Variants in SLCO1B3 observed in about 807,000 individuals in gnomAD.
SLCO1B3 encodes the protein liver-specific organic anion transporter 2.
SLCO1B3 carries 72 observed loss-of-function variants against 71.8 expected under a neutral mutation model. The ratio of observed to expected loss-of-function variants is 1.00; its 90% confidence interval spans 0.83 to 1.22. The LOEUF is 1.22. Among genes scored for constraint, SLCO1B3 ranks in the 50% most tolerant of loss-of-function variants. The pLI, the probability that SLCO1B3 is intolerant of heterozygous loss-of-function variation, is 0.00. For synonymous variants in SLCO1B3, 298 were observed against 278.4 expected, an observed-to-expected ratio of 1.07 and a Z score of -0.70; for missense variants, 911 against 819.7, an observed-to-expected ratio of 1.11 and a Z score of -1.36.
intron 3 of SLCO1B3, among the ~76,000 whole-genome samples, chr12:20,816,236 T>C (rs981608576): frequency 6.6e-6 from 1 of 152,160 alleles, no homozygotes. Context: ...TTTTAAAAGG[T>C]ACAGTTAAGT....
intron 15 of SLCO1B3, among the ~76,000 whole-genome samples, chr12:20,911,998 C>T (rs1866387630): frequency 6.6e-6 from 1 of 152,018 alleles, no homozygotes; most frequent in Non-Finnish European, 1.5e-5. Context: ...TTCTAGTTTG[C>T]TAAGGTAAAA....
Position 20,875,304 on chromosome 12 carries a change from G to C in SLCO1B3, c.797G>C (p.Gly266Ala), listed in dbSNP as rs1591774656. The change falls in exon 9 of 16, where the codon GGA (glycine) becomes GCA (alanine). Residue 266 changes from glycine to alanine, a missense_variant. Coordinates refer to ENST00000381545, the MANE Select transcript of SLCO1B3 (RefSeq NM_019844.4). ...GAWWLGFLVS[G>A]LFSIISSIPF... is the part of the protein sequence containing the mutation. Reference sequence around the variant, plus strand: ...TGGTGGCTTGGTTTCCTTGTGTCTGGACTATTTTCCATTATTTCTTCCATA... The same window carrying C: ...TGGTGGCTTGGTTTCCTTGTGTCTGCACTATTTTCCATTATTTCTTCCATA... 1 of 1,613,306 alleles carries C rather than the reference G, an allele frequency of 6.2e-7. No individual in the cohort carries two copies. Among genetic ancestry groups the C allele is most frequent in the Non-Finnish European group, 8.5e-7 (1 of 1,179,536 alleles).
intron 13 of SLCO1B3, among the ~76,000 whole-genome samples, chr12:20,891,216 G>C (rs1865896012): frequency 6.6e-6 from 1 of 151,988 alleles, no homozygotes; most frequent in Non-Finnish European, 1.5e-5. Flanking sequence ...CAGTCTGTTT[G>C]CGACAAATTC....
chr12:20,913,163 C>T (rs568927130), intron 15 of SLCO1B3, among the ~76,000 whole-genome samples: 26 of 152,212 alleles, frequency 1.7e-4, no homozygotes, highest in Admixed American at 1.7e-3. Flanking sequence ...TGAATCCGTG[C>T]ATTTCTGATA....
chr12:20,824,691 A>G (rs564822190), intron 3 of SLCO1B3, among the ~76,000 whole-genome samples: 1 of 152,296 alleles, frequency 6.6e-6, no homozygotes, highest in East Asian at 1.9e-4. Flanking sequence ...CATAAATATA[A>G]TATAATCCAA....
chr12:20,901,616 C>G, intron 15 of SLCO1B3, 149 bp downstream of exon 15: 1 of 529,756 alleles, frequency 1.9e-6, no homozygotes. Flanking sequence ...ATCAAGCATT[C>G]TGGTATCTCA....
chr12:20,858,559 T>A lies in SLCO1B3; in HGVS notation c.347T>A (p.Phe116Tyr). The A allele has an allele frequency of 6.2e-7, 1 of 1,606,592 alleles. No homozygotes were observed. The highest frequency in any genetic ancestry group is 8.5e-7 in the Non-Finnish European group (1 of 1,173,542). The change falls in exon 5 of 16, where the codon TTC becomes TAC. Residue 116 changes from phenylalanine (F) to tyrosine (Y), a missense_variant. Coordinates refer to ENST00000381545, the MANE Select transcript of SLCO1B3 (RefSeq NM_019844.4). ...TGSILTSLPH[F>Y]FMGYYRYSKE... Reference sequence around the variant, plus strand: ...AGTATTTTGACATCTTTACCACATTTCTTCATGGGATAGTAAGTGTTAAAC... The same window carrying A: ...AGTATTTTGACATCTTTACCACATTACTTCATGGGATAGTAAGTGTTAAAC...
intron 3 of SLCO1B3, among the ~76,000 whole-genome samples, chr12:20,852,059 C>G (rs1307973617): frequency 1.3e-5 from 2 of 152,126 alleles, no homozygotes; most frequent in African/African-American, 4.8e-5. Flanking sequence ...TACAGTTGCT[C>G]TGCAGTATAT....
chr12:20,875,100 G>A, intron 8 of SLCO1B3, 135 bp from the exon 9 acceptor site: 8 of 1,120,944 alleles, frequency 7.1e-6, no homozygotes, highest in Non-Finnish European at 1.0e-5. Context: ...GAAGAAAATA[G>A]TGTTTTAGAA....
chr12:20,904,660 G>T (rs913368695), intron 15 of SLCO1B3, among the ~76,000 whole-genome samples: 1 of 151,250 alleles, frequency 6.6e-6, no homozygotes, highest in African/African-American at 2.4e-5. Context: ...CTCTGTGTGG[G>T]AAGTCCAACC....
At chr12:20,826,403 C>A (rs1161861263) in intron 3 of SLCO1B3, among the ~76,000 whole-genome samples, 2 of 151,868 alleles carry the variant, frequency 1.3e-5, no homozygotes, top group African/African-American at 4.8e-5. Context: ...AAATTAAAAT[C>A]TCTTGTAATT....
At chr12:20,898,336 T>G (rs973481569) in intron 13 of SLCO1B3, 100 bp from the exon 14 acceptor site, 6 of 757,448 alleles carry the variant, frequency 7.9e-6, no homozygotes, top group African/African-American at 1.7e-5. Flanking sequence ...AGAGTATTCA[T>G]TCTACCAGGG....
At position 20,817,739 on chromosome 12, in the gene SLCO1B3, C is replaced by T. The variant is rs181990875; in HGVS notation, c.84+1917C>T. 7.3e-5 allele frequency among the ~76,000 whole-genome samples: 11 copies of T among 151,608 alleles called. No homozygotes were observed. In the East Asian group the frequency reaches 1.8e-3, roughly 24 times the overall value. On this transcript the variant is annotated intron_variant, in intron 3 of 15. Coordinates refer to ENST00000381545, the MANE Select transcript of SLCO1B3 (RefSeq NM_019844.4). ...AGTAGCTGGGACTACAGGCACCCGC[C>T]ACCACACCCAGCTAATTTTTTTTTT...
chr12:20,860,937 G>C (rs1865249756), intron 5 of SLCO1B3, 80 bp from the exon 6 acceptor site: 5 of 1,387,608 alleles, frequency 3.6e-6, no homozygotes, highest in Non-Finnish European at 4.9e-6. Context: ...AAATAAAGGA[G>C]AAAATTTCTC....
chr12:20,822,067 G>A (rs943043485), intron 3 of SLCO1B3, among the ~76,000 whole-genome samples: 1 of 152,210 alleles, frequency 6.6e-6, no homozygotes, highest in Non-Finnish European at 1.5e-5. Flanking sequence ...GATGTTTCTT[G>A]GGCTGGTCGG....
At chr12:20,871,579 A>G (rs1865475625) in intron 8 of SLCO1B3, among the ~76,000 whole-genome samples, 1 of 152,024 alleles carries the variant, frequency 6.6e-6, no homozygotes, top group South Asian at 2.1e-4. Flanking sequence ...ATATGAAGGG[A>G]CTTTGGCCAC....
At chr12:20,820,982 G>A (rs1484408653) in intron 3 of SLCO1B3, among the ~76,000 whole-genome samples, 1 of 152,098 alleles carries the variant, frequency 6.6e-6, no homozygotes, top group African/African-American at 2.4e-5. Flanking sequence ...AGGAGGGGAG[G>A]CGATAAAAAG....
intron 3 of SLCO1B3, among the ~76,000 whole-genome samples, chr12:20,834,000 G>T (rs1864613002): frequency 6.8e-6 from 1 of 146,168 alleles, no homozygotes; most frequent in African/African-American, 2.5e-5. Flanking sequence ...ATGTCTATGT[G>T]TGGATATGTG....
In SLCO1B3 at chr12:20,815,674, G is replaced by A; in HGVS notation, c.-65G>A. ...AATTATACTTTTTCTTTTTTAACAG[G>A]TGATCATTTCAAACCAAGCATCAGC... On this transcript the variant is annotated splice_region_variant and 5_prime_UTR_variant, in exon 3 of 16. The change creates a new upstream start codon in the 5' untranslated region. Transcript: ENST00000381545. The A allele has an allele frequency of 1.9e-6, 2 of 1,033,038 alleles. No individual in the cohort carries two copies. Among genetic ancestry groups the A allele is most frequent in the Middle Eastern group, 2.7e-4 (1 of 3,718 alleles). 64.0% of individuals were successfully genotyped at this position (1,033,038 alleles called of 1,614,324 possible).
Sources: allele counts gnomAD v4.1 joint callset (sites outside exome capture counted in the v4.1 genomes callset), GRCh38; gene constraint gnomAD v4.1.1; transcripts MANE v1.5; gene names NCBI Gene and HGNC (gene_info 2026-07-23, HGNC 2026-07-21).